Variants in VRK2 observed in about 807,000 individuals in gnomAD.
VRK2 encodes the protein serine/threonine-protein kinase VRK2.
In VRK2, 60 loss-of-function variants were observed where a neutral mutation model predicts 57.6. The observed-to-expected ratio is 1.04, with a 90% CI of 0.85 to 1.29. The LOEUF is 1.29. Among genes scored for constraint, VRK2 ranks in the 50% most tolerant of loss-of-function variants. The pLI, the probability that VRK2 is intolerant of heterozygous loss-of-function variation, is 0.00. For synonymous variants in VRK2, 231 were observed against 199.2 expected (o/e 1.16, Z -1.35); for missense variants, 705 against 588.1 (o/e 1.20, Z -2.06).
intron 1 of VRK2, among the ~76,000 whole-genome samples, chr2:57,913,003 G>A (rs530663670): frequency 7.9e-5 from 12 of 152,292 alleles, no homozygotes; most frequent in African/African-American, 2.9e-4. Flanking sequence ...TATGAACCAG[G>A]AAGTGGGCCT....
chr2:58,083,786 T>C (rs993564269), intron 2 of VRK2, among the ~76,000 whole-genome samples: 2 of 151,858 alleles, frequency 1.3e-5, no homozygotes, highest in African/African-American at 4.8e-5. Flanking sequence ...ATATTGTCTA[T>C]TGATTCTGTA....
At chr2:58,146,098 G>A (rs1411763781) in intron 11 of VRK2, among the ~76,000 whole-genome samples, 9 of 151,872 alleles carry the variant, frequency 5.9e-5, no homozygotes, top group African/African-American at 2.2e-4. Context: ...TGCATGCAGT[G>A]ACACTAATTT....
chr2:57,970,865 C>T lies in VRK2; in HGVS notation c.-438-54800C>T, dbSNP rs914927539. On this transcript the variant is annotated intron_variant, in intron 1 of 15. Coordinates refer to the VRK2 transcript ENST00000417641. ...TTAAAACCAGTCTCAGACATTGTTA[C>T]ATTTTATCTTTAAATATTTCATAAG... Among the ~76,000 whole-genome samples, 19 of 152,086 alleles carry T rather than the reference C, an allele frequency of 1.2e-4. 1 individual carries two copies. Among genetic ancestry groups the T allele is most frequent in the African/African-American group, 4.6e-4 (19 of 41,560 alleles).
intron 1 of VRK2, among the ~76,000 whole-genome samples, chr2:58,004,625 T>C (rs1411874543): frequency 3.3e-5 from 5 of 152,170 alleles, no homozygotes; most frequent in Admixed American, 3.3e-4. Context: ...AATGGAATAA[T>C]CTATTCCTTT....
chr2:58,089,275 G>C (rs1393319040), intron 6 of VRK2, among the ~76,000 whole-genome samples: 1 of 152,154 alleles, frequency 6.6e-6, no homozygotes, highest in Non-Finnish European at 1.5e-5. Flanking sequence ...GAATTGCTGA[G>C]TGGGCTTCAA....
intron 1 of VRK2, among the ~76,000 whole-genome samples, chr2:58,004,872 T>G (rs1173505684): frequency 2.6e-5 from 4 of 152,176 alleles, no homozygotes; most frequent in East Asian, 1.9e-4. Flanking sequence ...TCTTCCAGTA[T>G]AGTGGAAAAT....
At chr2:58,011,448 G>C (rs1311750904) in intron 1 of VRK2, among the ~76,000 whole-genome samples, 1 of 152,176 alleles carries the variant, frequency 6.6e-6, no homozygotes, top group Non-Finnish European at 1.5e-5. Flanking sequence ...AAGGCTGTCA[G>C]CAGAAGACAC....
At chr2:58,048,726 T>A in intron 1 of VRK2, 101 bp from the exon 2 acceptor site, 1 of 1,512,254 alleles carries the variant, frequency 6.6e-7, no homozygotes, top group Non-Finnish European at 8.9e-7. Context: ...TCTGGGAACC[T>A]GGGAAAGTTC....
chr2:57,974,915 A>T (rs1672202578), intron 1 of VRK2, among the ~76,000 whole-genome samples: 1 of 151,910 alleles, frequency 6.6e-6, no homozygotes, highest in African/African-American at 2.4e-5. Flanking sequence ...AAAATTACAT[A>T]ATAATAATGA....
intron 1 of VRK2, among the ~76,000 whole-genome samples, chr2:57,922,942 AG>A (rs1670402108): frequency 6.6e-6 from 1 of 151,982 alleles, no homozygotes; most frequent in Non-Finnish European, 1.5e-5. Flanking sequence ...TTTAATTTTT[AG>A]TTTTCACAAA....
intron 1 of VRK2, among the ~76,000 whole-genome samples, chr2:57,938,877 C>A (rs745663173): frequency 1.3e-5 from 2 of 152,098 alleles, no homozygotes; most frequent in African/African-American, 4.8e-5. Flanking sequence ...AAAGAACTTG[C>A]TTTCCTCTTC....
At chr2:58,009,792 A>G (rs932671482) in intron 1 of VRK2, among the ~76,000 whole-genome samples, 2 of 152,064 alleles carry the variant, frequency 1.3e-5, no homozygotes, top group African/African-American at 4.8e-5. Flanking sequence ...TTCTTCTATT[A>G]TCTTTAAGCC....
At chr2:58,149,107 G>A (rs1308971039) in intron 12 of VRK2, among the ~76,000 whole-genome samples, 1 of 151,456 alleles carries the variant, frequency 6.6e-6, no homozygotes, top group African/African-American at 2.4e-5. Flanking sequence ...CAACAATGTC[G>A]ACTCCTCCAG....
chr2:58,130,973 A>T (rs1679110820), intron 8 of VRK2, among the ~76,000 whole-genome samples: 1 of 152,078 alleles, frequency 6.6e-6, no homozygotes, highest in South Asian at 2.1e-4. Flanking sequence ...TTATAAATAT[A>T]TATAAATTAT....
chr2:58,076,863 T>G (rs1670189821), intron 2 of VRK2, among the ~76,000 whole-genome samples: 1 of 151,974 alleles, frequency 6.6e-6, no homozygotes, highest in African/African-American at 2.4e-5. Flanking sequence ...ACTTTTAATT[T>G]TTAAATTTTA....
chr2:58,098,555 A>G (rs1009459209), intron 7 of VRK2, among the ~76,000 whole-genome samples: 1 of 152,040 alleles, frequency 6.6e-6, no homozygotes, highest in Non-Finnish European at 1.5e-5. Context: ...CACAAATGCT[A>G]TTGTGTTACA....
At chr2:57,990,073 T>C (rs1343034049) in intron 1 of VRK2, among the ~76,000 whole-genome samples, 1 of 152,156 alleles carries the variant, frequency 6.6e-6, no homozygotes, top group East Asian at 1.9e-4. Context: ...TGGCAACTTT[T>C]TCCTATTAAG....
intron 1 of VRK2, among the ~76,000 whole-genome samples, chr2:57,994,547 G>A (rs957374499): frequency 1.8e-4 from 28 of 152,116 alleles, no homozygotes; most frequent in Non-Finnish European, 3.2e-4. Context: ...CTGAAAGATC[G>A]AGAAACAAAA....
intron 7 of VRK2, among the ~76,000 whole-genome samples, chr2:58,093,283 G>A (rs1672636400): frequency 6.6e-6 from 1 of 152,196 alleles, no homozygotes; most frequent in Non-Finnish European, 1.5e-5. Context: ...CCCACCAACA[G>A]TGTAAAAGTG....
Sources: allele counts gnomAD v4.1 joint callset (sites outside exome capture counted in the v4.1 genomes callset), GRCh38; gene constraint gnomAD v4.1.1; transcripts MANE v1.5; gene names NCBI Gene and HGNC (gene_info 2026-07-23, HGNC 2026-07-21).